TRPC4: variants seen among roughly 807,000 people sequenced by gnomAD.
The protein encoded by TRPC4 is transient receptor potential cation channel subfamily C member 4, also known as short transient receptor potential channel 4.
Under a neutral mutation model 99.4 loss-of-function variants are expected in TRPC4, and 49 were observed. The observed-to-expected ratio is 0.49, with a 90% CI of 0.39 to 0.63. TRPC4 has a LOEUF of 0.63. Among genes scored for constraint, TRPC4 ranks in the 20% least tolerant of loss-of-function variants. The pLI is 0.00. For synonymous variants in TRPC4, 454 were observed against 425.9 expected (o/e 1.07, Z -0.81); for missense variants, 898 against 1,152.9 (o/e 0.78, Z 3.20).
intron 2 of TRPC4, among the ~76,000 whole-genome samples, chr13:37,769,252 T>G (rs1424676212): frequency 6.6e-6 from 1 of 151,438 alleles, no homozygotes; most frequent in Non-Finnish European, 1.5e-5. Flanking sequence ...GCCTCAAATA[T>G]TCACCAGGTG....
chr13:37,637,677 C>T (rs761496864), intron 10 of TRPC4, 52 bp from the exon 11 acceptor site: 33 of 1,505,706 alleles, frequency 2.2e-5, no homozygotes, highest in Non-Finnish European at 2.8e-5. Flanking sequence ...CATTTGGAAA[C>T]ATCATTTTCT....
chr13:37,636,946 G>T lies in TRPC4; in HGVS notation c.2891C>A (p.Pro964Gln). 6.2e-7 allele frequency: 1 copy of T among 1,613,222 alleles called. No homozygotes were observed. The highest frequency in any genetic ancestry group is 8.5e-7 in the Non-Finnish European group (1 of 1,179,526). Residue 964 changes from proline (P) to glutamine (Q), a missense_variant, in exon 11 of 11, where the codon CCA (proline) becomes CAA (glutamine). Pro to Gln is a moderately conservative substitution (Grantham distance 76). Transcript: ENST00000379705. Reference sequence around the variant, plus strand: ...GTAATCTTCGTGGGTGACTGTGTCTGGGAGGTTTAGATCATAGTCTATACT... The same window carrying T: ...GTAATCTTCGTGGGTGACTGTGTCTTGGAGGTTTAGATCATAGTCTATACT... ...DSSIDYDLNLPDTVTHEDYVT... is the reference protein window; with the variant it reads ...DSSIDYDLNLQDTVTHEDYVT...
chr13:37,846,531 C>T (rs1249978071), intron 1 of TRPC4, among the ~76,000 whole-genome samples: 1 of 151,816 alleles, frequency 6.6e-6, no homozygotes, highest in African/African-American at 2.4e-5. Flanking sequence ...AGGATATTTC[C>T]TGGTAACCCA....
intron 1 of TRPC4, among the ~76,000 whole-genome samples, chr13:37,812,678 G>A (rs1299038183): frequency 6.6e-6 from 1 of 151,790 alleles, no homozygotes; most frequent in Non-Finnish European, 1.5e-5. Context: ...CCTCTTGAGA[G>A]AGAGAAGGTT....
chr13:37,856,852 T>G (rs1959178470), intron 1 of TRPC4, among the ~76,000 whole-genome samples: 1 of 151,618 alleles, frequency 6.6e-6, no homozygotes, highest in Admixed American at 6.6e-5. Context: ...ACATCCTTCA[T>G]GATAAAAACT....
At position 37,636,771 on chromosome 13, in the gene TRPC4, G is replaced by T; in HGVS notation, c.*132C>A. The T allele has an allele frequency of 1.9e-6, 2 of 1,042,254 alleles. No homozygotes were observed. The highest frequency in any genetic ancestry group is 1.3e-6 in the Non-Finnish European group (1 of 766,270). The allele number at this position is 1,042,254 out of a possible 1,614,324, so 64.6% of individuals were successfully genotyped here. On this transcript the variant is annotated 3_prime_UTR_variant, in exon 11 of 11. Coordinates refer to ENST00000379705, the MANE Select transcript of TRPC4 (RefSeq NM_016179.4). ...CTTTGCCTTATTTAAACATGTTACA[G>T]GTAATATGCCACAGCTGATAAACGC... is the stretch of plus-strand genomic sequence containing the variant.
At chr13:37,803,595 G>A (rs1957460043) in intron 1 of TRPC4, among the ~76,000 whole-genome samples, 1 of 152,082 alleles carries the variant, frequency 6.6e-6, no homozygotes, top group Non-Finnish European at 1.5e-5. Flanking sequence ...GTAGTATACT[G>A]AGAATGCTGT....
chr13:37,643,813 A>G (rs556474636), intron 8 of TRPC4, among the ~76,000 whole-genome samples: 1 of 152,308 alleles, frequency 6.6e-6, no homozygotes, highest in Admixed American at 6.5e-5. Context: ...ATTTAGCAGT[A>G]GCACCAAGTG....
intron 3 of TRPC4, among the ~76,000 whole-genome samples, chr13:37,710,635 A>T (rs142736006): frequency 1.9e-3 from 283 of 152,026 alleles, no homozygotes; most frequent in African/African-American, 6.1e-3. Context: ...TTCCTGGCAA[A>T]ATACATTACT....
At chr13:37,767,122 A>G (rs142338317) in intron 2 of TRPC4, among the ~76,000 whole-genome samples, 2,219 of 151,404 alleles carry the variant, frequency 0.015, 44 homozygotes, top group African/African-American at 0.05. Flanking sequence ...ATCTATATTT[A>G]TGTTTAAACT....
At chr13:37,741,837 G>C (rs1487689223) in intron 3 of TRPC4, among the ~76,000 whole-genome samples, 1 of 151,322 alleles carries the variant, frequency 6.6e-6, no homozygotes, top group Non-Finnish European at 1.5e-5. Context: ...TTAGAGCCAA[G>C]TTTTTGTAGT....
chr13:37,774,830 T>C (rs540819848), intron 2 of TRPC4, among the ~76,000 whole-genome samples: 1 of 151,928 alleles, frequency 6.6e-6, no homozygotes, highest in African/African-American at 2.4e-5. Context: ...AAAGGGTATG[T>C]TGAAAACAGT....
intron 5 of TRPC4, among the ~76,000 whole-genome samples, chr13:37,670,133 C>G (rs1294977219): frequency 6.6e-6 from 1 of 152,132 alleles, no homozygotes; most frequent in Non-Finnish European, 1.5e-5. Flanking sequence ...AGAAACCAAC[C>G]ATGCTGGAAC....
At chr13:37,847,014 G>A (rs929113203) in intron 1 of TRPC4, among the ~76,000 whole-genome samples, 11 of 151,896 alleles carry the variant, frequency 7.2e-5, no homozygotes, top group African/African-American at 2.7e-4. Flanking sequence ...GATAACAATT[G>A]TAAATATATA....
chr13:37,804,882 A>G (rs895969335), intron 1 of TRPC4, among the ~76,000 whole-genome samples: 1 of 152,090 alleles, frequency 6.6e-6, no homozygotes, highest in African/African-American at 2.4e-5. Flanking sequence ...GATAATTAAA[A>G]TATTTCCATA....
At chr13:37,654,298 C>T (rs1030614897) in intron 7 of TRPC4, among the ~76,000 whole-genome samples, 2 of 152,048 alleles carry the variant, frequency 1.3e-5, no homozygotes, top group African/African-American at 4.8e-5. Context: ...TTATAAAATG[C>T]TACTTGTCTA....
At chr13:37,689,023 A>G (rs573345563) in intron 4 of TRPC4, among the ~76,000 whole-genome samples, 1 of 152,242 alleles carries the variant, frequency 6.6e-6, no homozygotes, top group South Asian at 2.1e-4. Flanking sequence ...GCATTTTTAT[A>G]TATATTACGC....
At chr13:37,842,378 G>GAAAAAAAAAAAA (rs1330859986) in intron 1 of TRPC4, among the ~76,000 whole-genome samples, 1 of 96,772 alleles carries the variant, frequency 1.0e-5, no homozygotes, top group African/African-American at 4.2e-5. Flanking sequence ...AAAGGAAAAG[G>GAAAAAAAAAAAA]AAAAGTATAA....
At chr13:37,857,080 T>A in intron 1 of TRPC4, among the ~76,000 whole-genome samples, 1 of 151,462 alleles carries the variant, frequency 6.6e-6, no homozygotes, top group Non-Finnish European at 1.5e-5. Flanking sequence ...TCAATAAACT[T>A]GCAAGATACA....
Sources: gnomAD v4.1 joint callset for allele counts (sites outside exome capture counted in the v4.1 genomes callset) on GRCh38, gnomAD v4.1.1 for gene constraint, MANE v1.5 for transcripts, NCBI Gene and HGNC (gene_info 2026-07-23, HGNC 2026-07-21) for gene names.